FREM3: variants seen among roughly 807,000 people sequenced by gnomAD.
FREM3 encodes FRAS1 related extracellular matrix 3, also known as FRAS1-related extracellular matrix protein 3.
A neutral mutation model predicts 129.1 loss-of-function variants in FREM3; 105 were observed. The observed-to-expected ratio is 0.81, with a 90% CI of 0.69 to 0.96. FREM3 has a LOEUF of 0.96. FREM3 is among the 40% of genes least tolerant of loss of function. FREM3 has a pLI of 0.00. For missense variants in FREM3, 2,593 were observed against 2,666.3 expected, an observed-to-expected ratio of 0.97 and a Z score of 0.61; for synonymous variants, 1,014 against 1,044.9, an observed-to-expected ratio of 0.97 and a Z score of 0.57.
At chr4:143,645,881 A>T (rs1026460521) in intron 2 of FREM3, among the ~76,000 whole-genome samples, 1 of 152,182 alleles carries the variant, frequency 6.6e-6, no homozygotes, top group African/African-American at 2.4e-5. Flanking sequence ...CAGGCATCTT[A>T]CAAAATCTCA....
At chr4:143,627,084 A>C (rs1739051737) in intron 3 of FREM3, among the ~76,000 whole-genome samples, 1 of 152,196 alleles carries the variant, frequency 6.6e-6, no homozygotes, top group Non-Finnish European at 1.5e-5. Context: ...TGTTTACTCC[A>C]AGAAAACATA....
intron 2 of FREM3, among the ~76,000 whole-genome samples, chr4:143,675,884 C>T (rs7439932): frequency 0.98 from 148,930 of 152,186 alleles, 72,967 homozygotes; most frequent in East Asian, 1. Context: ...GGCTCTGAAA[C>T]TGAGGCAATA....
At chr4:143,628,307 C>A (rs1739080276) in intron 2 of FREM3, among the ~76,000 whole-genome samples, 1 of 152,102 alleles carries the variant, frequency 6.6e-6, no homozygotes, top group Non-Finnish European at 1.5e-5. Context: ...ATGAAGAGGA[C>A]AATAGACAAG....
At chr4:143,653,359 G>C (rs1170261151) in intron 2 of FREM3, among the ~76,000 whole-genome samples, 2 of 152,192 alleles carry the variant, frequency 1.3e-5, no homozygotes, top group African/African-American at 2.4e-5. Flanking sequence ...TCATTCAACA[G>C]CTTCTTACTG....
At position 143,700,339 on chromosome 4, in the gene FREM3, G is replaced by C; in HGVS notation, c.337C>G (p.Arg113Gly). The C allele has an allele frequency of 6.5e-7, 1 of 1,534,740 alleles. No homozygotes were observed. Among genetic ancestry groups the C allele is most frequent in the Non-Finnish European group, 8.7e-7 (1 of 1,145,852 alleles). Residue 113 changes from arginine to glycine, a missense_variant, in exon 1 of 8, where the codon CGC (arginine) becomes GGC (glycine). Physicochemically the swap from Arg to Gly is moderately radical, Grantham distance 125. This residue lies in a region of FREM3 where 2,276 missense variants were observed against 2,267.2 expected (regional missense o/e 1.00). Coordinates refer to ENST00000329798, the MANE Select transcript of FREM3 (RefSeq NM_001168235.2). Reference sequence around the variant, plus strand: ...GGCCCGAAGGTGCAGGGGAAGCGGCGCGGGGAGAGCGCGCCCTTGAGCCGC... The same window carrying C: ...GGCCCGAAGGTGCAGGGGAAGCGGCCCGGGGAGAGCGCGCCCTTGAGCCGC... ...LPRLKGALSP[R>G]RFPCTFGPRQ...
At chr4:143,661,803 C>T (rs1739730164) in intron 2 of FREM3, among the ~76,000 whole-genome samples, 2 of 152,158 alleles carry the variant, frequency 1.3e-5, no homozygotes, top group East Asian at 3.9e-4. Flanking sequence ...CAACTTCATC[C>T]TGGTTTAGTC....
intron 6 of FREM3, among the ~76,000 whole-genome samples, chr4:143,591,964 T>G (rs1738371901): frequency 6.6e-6 from 1 of 152,258 alleles, no homozygotes; most frequent in Non-Finnish European, 1.5e-5. Flanking sequence ...TTAGTTGTTC[T>G]TGTTGAATTG....
chr4:143,693,919 A>G (rs1560875369), intron 1 of FREM3, among the ~76,000 whole-genome samples: 1 of 152,204 alleles, frequency 6.6e-6, no homozygotes, highest in South Asian at 2.1e-4. Flanking sequence ...GGAATTTATA[A>G]TAATTCTAAG....
chr4:143,648,945 A>G (rs924588138), intron 2 of FREM3, among the ~76,000 whole-genome samples: 5 of 152,152 alleles, frequency 3.3e-5, no homozygotes, highest in African/African-American at 9.7e-5. Context: ...CATTAAAAAA[A>G]TAGAGATAGG....
chr4:143,670,872 TA>T (rs1285311834), intron 2 of FREM3, among the ~76,000 whole-genome samples: 2 of 152,084 alleles, frequency 1.3e-5, no homozygotes, highest in African/African-American at 2.4e-5. Flanking sequence ...ATCACATGAT[TA>T]AAAAAATAAA....
In FREM3 at chr4:143,696,062, A is replaced by G. The variant is rs752037193; in HGVS notation, c.4614T>C (p.Pro1538=). The change falls in exon 1 of 8, where the codon CCT becomes CCC. Residue 1538 remains proline, a synonymous_variant. Transcript: ENST00000329798. ...IFITDVDNKK[P]ILTIHRLTLQ... is the part of the protein sequence containing the mutation. ...GTGTTAGTCTATGGATGGTCAAGAT[A>G]GGTTTCTTATTATCCACATCAGTGA... 2.0e-6 allele frequency: 3 copies of G among 1,537,640 alleles called. No individual in the cohort carries two copies. The highest frequency in any genetic ancestry group is 2.6e-6 in the Non-Finnish European group (3 of 1,146,998).
At chr4:143,686,087 G>A (rs558568213) in intron 2 of FREM3, among the ~76,000 whole-genome samples, 64 of 152,238 alleles carry the variant, frequency 4.2e-4, no homozygotes, top group African/African-American at 1.5e-3. Flanking sequence ...GACTCAGCTA[G>A]CACATAAAGA....
At chr4:143,655,734 G>A (rs888392553) in intron 2 of FREM3, among the ~76,000 whole-genome samples, 2 of 152,120 alleles carry the variant, frequency 1.3e-5, no homozygotes, top group African/African-American at 4.8e-5. Flanking sequence ...AAACCTTACA[G>A]CCAATACCCT....
intron 6 of FREM3, among the ~76,000 whole-genome samples, chr4:143,598,443 G>A (rs1229218662): frequency 6.6e-6 from 1 of 152,166 alleles, no homozygotes; most frequent in Admixed American, 6.5e-5. Context: ...CTCAGTAATA[G>A]CTTCTGGACA....
chr4:143,578,226 A>G (rs972590918), intron 7 of FREM3, among the ~76,000 whole-genome samples: 4 of 152,178 alleles, frequency 2.6e-5, no homozygotes, highest in Non-Finnish European at 5.9e-5. Context: ...AATACATTTT[A>G]TTTTGATTAG....
At chr4:143,601,155 G>A (rs1738565617) in intron 6 of FREM3, among the ~76,000 whole-genome samples, 1 of 152,040 alleles carries the variant, frequency 6.6e-6, no homozygotes, top group Admixed American at 6.6e-5. Flanking sequence ...GGTTTTTACA[G>A]CATAGCAATA....
chr4:143,698,861 GT>G lies in FREM3; in HGVS notation c.1814del (p.His605ProfsTer38), dbSNP rs1320074856. On this transcript the variant is annotated frameshift_variant, in exon 1 of 8. Transcript: ENST00000329798. LOFTEE classifies it high-confidence loss of function. ...PQWELAPGSS[H>X]SGHYLGDLLL... The stretch of plus-strand genomic sequence containing the variant: ...ACAGGTCCCCCAGGTAGTGGCCTGA[GT>G]GGGAGGAACCAGGGGCCAACTCCCA... 26 of 1,537,576 alleles carry G rather than the reference GT, an allele frequency of 1.7e-5. No homozygotes were observed. Among genetic ancestry groups the G allele is most frequent in the Non-Finnish European group, 2.3e-5 (26 of 1,147,022 alleles).
intron 2 of FREM3, among the ~76,000 whole-genome samples, chr4:143,651,170 T>TA (rs1321629361): frequency 1.3e-5 from 2 of 152,244 alleles, no homozygotes; most frequent in Non-Finnish European, 2.9e-5. Context: ...TGAGTGGTTT[T>TA]AAAAACACGT....
intron 2 of FREM3, among the ~76,000 whole-genome samples, chr4:143,632,722 A>G (rs922306078): frequency 1.8e-4 from 28 of 152,174 alleles, no homozygotes; most frequent in African/African-American, 6.0e-4. Flanking sequence ...GGAATGTCCA[A>G]TCTTTTGGCT....
Sources: allele counts gnomAD v4.1 joint callset (sites outside exome capture counted in the v4.1 genomes callset), GRCh38; gene constraint gnomAD v4.1.1; regional missense constraint gnomAD v4.1.1; transcripts MANE v1.5; gene names NCBI Gene and HGNC (gene_info 2026-07-23, HGNC 2026-07-21).